MASP1: variants seen among roughly 807,000 people sequenced by gnomAD.
The protein encoded by MASP1 is MBL associated serine protease 1.
In MASP1, 59 loss-of-function variants were observed where a neutral mutation model predicts 77.1. The ratio of observed to expected loss-of-function variants is 0.77; its 90% CI spans 0.62 to 0.95. MASP1 has a LOEUF of 0.95. MASP1 is among the 40% of genes least tolerant of loss of function. MASP1 has a pLI of 0.00. For synonymous variants in MASP1, 362 were observed against 354.5 expected (o/e 1.02, Z -0.24); for missense variants, 885 against 912.9 (o/e 0.97, Z 0.39).
intron 8 of MASP1, chr3:187,246,613 T>A (rs1714103048): frequency 2.0e-6 from 2 of 985,742 alleles, no homozygotes; most frequent in African/African-American, 1.7e-5. Context: ...TCTCTATCAC[T>A]GTTTAGGACC....
intron 13 of MASP1, among the ~76,000 whole-genome samples, chr3:187,225,058 C>T (rs757814376): frequency 6.6e-5 from 10 of 152,188 alleles, no homozygotes; most frequent in Non-Finnish European, 1.0e-4. Flanking sequence ...TCCTCCAGTG[C>T]CCTATATTAA....
intron 2 of MASP1, among the ~76,000 whole-genome samples, chr3:187,285,270 C>T (rs184724371): frequency 1.9e-4 from 29 of 152,224 alleles, no homozygotes; most frequent in African/African-American, 6.7e-4. Context: ...CGTCCCCTTC[C>T]TACCCACACT....
At chr3:187,220,011 A>C (rs1011713811) in exon 16 of MASP1, 12 of 1,570,072 alleles carry the variant, frequency 7.6e-6, no homozygotes, top group South Asian at 3.4e-5. Flanking sequence ...CTTTCATCGG[A>C]GGATCGTCCT....
chr3:187,226,706 A>T lies in MASP1; in HGVS notation c.1442-186T>A, dbSNP rs1374871630. Among the ~76,000 whole-genome samples the T allele has an allele frequency of 3.3e-5, 5 of 152,180 alleles. No homozygotes were observed. In the East Asian group the frequency reaches 9.6e-4, roughly 29 times the overall value. On this transcript the variant is annotated intron_variant, in intron 11 of 15. Transcript: ENST00000337774. ...ATATGATCCTAATCTGAAGATGAGG[A>T]TTTAAATCTGTGATTTTTACCTGCC...
intron 2 of MASP1, among the ~76,000 whole-genome samples, chr3:187,269,619 A>G (rs1222463634): frequency 6.6e-6 from 1 of 152,250 alleles, no homozygotes; most frequent in Non-Finnish European, 1.5e-5. Flanking sequence ...CCAAGGAAGC[A>G]GAACTGGGCT....
At chr3:187,229,442 C>A (rs1241629753), downstream of MASP1, among the ~76,000 whole-genome samples, 1 of 152,174 alleles carries the variant, frequency 6.6e-6, no homozygotes, top group African/African-American at 2.4e-5. Flanking sequence ...CTAAGCATAG[C>A]ATTCAAGGTC....
chr3:187,257,122 G>A (rs1715155335), intron 4 of MASP1, among the ~76,000 whole-genome samples: 1 of 152,044 alleles, frequency 6.6e-6, no homozygotes, highest in Non-Finnish European at 1.5e-5. Context: ...AGATCCTCTG[G>A]TATGGGGGTC....
In MASP1 at chr3:187,253,176, C is replaced by G; in HGVS notation, c.884G>C (p.Arg295Thr). ...GGGAGGGAAGAGGTTACCTGCAGCCCTGTATGAGAGCCTCCAGCCCCGGTT... is the reference window on the plus strand; with the variant it reads ...GGGAGGGAAGAGGTTACCTGCAGCCGTGTATGAGAGCCTCCAGCCCCGGTT... ...GENRGWRLSY[R>T]AAGNECPELQ... The change falls in exon 6 of 11, where the codon AGG becomes ACG. Residue 295 changes from arginine (R) to threonine (T), a missense_variant. By Grantham distance (71) the Arg-to-Thr change is moderately conservative. Transcript: ENST00000296280. 6.2e-7 allele frequency: 1 copy of G among 1,613,986 alleles called. No homozygotes were observed. Among genetic ancestry groups the G allele is most frequent in the Non-Finnish European group, 8.5e-7 (1 of 1,180,000 alleles).
chr3:187,275,242 C>T (rs770495235), intron 2 of MASP1, among the ~76,000 whole-genome samples: 12 of 152,222 alleles, frequency 7.9e-5, no homozygotes, highest in Admixed American at 2.0e-4. Flanking sequence ...ATAGCCAGGA[C>T]GTGGGTGAAG....
exon 16 of MASP1, chr3:187,217,996 G>C: frequency 6.6e-6 from 1 of 152,322 alleles, no homozygotes; most frequent in East Asian, 1.9e-4. Flanking sequence ...GGAGGAGCTG[G>C]TATAATAAAG....
intron 2 of MASP1, 113 bp from the exon 3 acceptor site, chr3:187,262,833 A>G: frequency 1.2e-6 from 1 of 850,814 alleles, no homozygotes. Context: ...AGTCAGCCTG[A>G]GAAACCCAAA....
intron 2 of MASP1, among the ~76,000 whole-genome samples, chr3:187,267,445 A>G (rs1453784776): frequency 3.3e-5 from 5 of 152,214 alleles, no homozygotes; most frequent in African/African-American, 7.2e-5. Context: ...CTTTCCCTGT[A>G]TAGTTCTAGA....
Position 187,236,367 on chromosome 3 carries a change from G to A in MASP1, c.1504C>T (p.Gln502Ter), listed in dbSNP as rs1713180696. The change falls in exon 11 of 11, where the codon CAG (glutamine) becomes TAG (stop). Residue 502 changes from glutamine (Q) to a stop codon, truncating the protein, a stop_gained. Coordinates refer to ENST00000296280, the MANE Select transcript of MASP1 (RefSeq NM_139125.4). LOFTEE classifies it high-confidence loss of function. ...ILTAAHVLRS[Q>*]RRDTTVIPVS... ...GGTATCACCGTGGTGTCTCTACGCT[G>A]GGAGCGCAGCACATGAGCTGCTGTG... 1 of 1,614,142 alleles carries A rather than the reference G, an allele frequency of 6.2e-7. No individual in the cohort carries two copies. The highest frequency in any genetic ancestry group is 8.5e-7 in the Non-Finnish European group (1 of 1,180,052).
chr3:187,268,900 A>C (rs185254175), intron 2 of MASP1, among the ~76,000 whole-genome samples: 2 of 151,470 alleles, frequency 1.3e-5, no homozygotes. Flanking sequence ...CCCCATCTCT[A>C]CCAAAAATAC....
At chr3:187,271,848 A>G (rs1716552113) in intron 2 of MASP1, among the ~76,000 whole-genome samples, 1 of 152,074 alleles carries the variant, frequency 6.6e-6, no homozygotes, top group East Asian at 1.9e-4. Flanking sequence ...TCCCTTCATC[A>G]CAGAACATGG....
intron 2 of MASP1, among the ~76,000 whole-genome samples, chr3:187,278,294 T>G (rs1717125455): frequency 6.6e-6 from 1 of 152,246 alleles, no homozygotes; most frequent in South Asian, 2.1e-4. Context: ...TTTGCAGTAC[T>G]GATTCCACTT....
chr3:187,253,358 C>G, intron 5 of MASP1, 43 bp from the exon 6 acceptor site: 1 of 1,611,502 alleles, frequency 6.2e-7, no homozygotes, highest in Non-Finnish European at 8.5e-7. Context: ...AGTGTTCCAT[C>G]TGAGCAGCCA....
intron 10 of MASP1, among the ~76,000 whole-genome samples, chr3:187,239,414 A>G (rs1407516928): frequency 6.6e-6 from 1 of 152,132 alleles, no homozygotes. Context: ...GAGGTATGGG[A>G]TCCCAGACCC....
At chr3:187,280,731 T>C (rs1717343007) in intron 2 of MASP1, among the ~76,000 whole-genome samples, 1 of 152,238 alleles carries the variant, frequency 6.6e-6, no homozygotes, top group Admixed American at 6.5e-5. Flanking sequence ...GATGGGACTT[T>C]GCTGTTTTTT....
Sources: allele counts gnomAD v4.1 joint callset (sites outside exome capture counted in the v4.1 genomes callset), GRCh38; gene constraint gnomAD v4.1.1; transcripts MANE v1.5; gene names NCBI Gene and HGNC (gene_info 2026-07-23, HGNC 2026-07-21).